PTPRQ: variants seen among roughly 807,000 people sequenced by gnomAD.
PTPRQ encodes protein tyrosine phosphatase receptor type Q, also known as phosphatidylinositol phosphatase PTPRQ.
Under a neutral mutation model 246.0 loss-of-function variants are expected in PTPRQ, and 199 were observed. The observed-to-expected ratio is 0.81, with a 90% CI of 0.72 to 0.91. The LOEUF is 0.91. Among genes scored for constraint, PTPRQ ranks in the 40% least tolerant of loss-of-function variants. The probability of loss-of-function intolerance (pLI) is 0.00; values close to 1 mark genes in which losing one functional copy is unlikely to be tolerated. For missense variants in PTPRQ, 2,624 were observed against 2,528.4 expected (o/e 1.04, Z -0.81); for synonymous variants, 869 against 853.2 (o/e 1.02, Z -0.32).
At chr12:80,610,268 T>C (rs1592714374) in intron 27 of PTPRQ, among the ~76,000 whole-genome samples, 171 bp from the exon 28 acceptor site, 1 of 150,546 alleles carries the variant, frequency 6.6e-6, no homozygotes, top group African/African-American at 2.4e-5. Context: ...TAATTAATAA[T>C]TAGTAAGCTG....
At chr12:80,582,080 G>T (rs979691333) in intron 25 of PTPRQ, among the ~76,000 whole-genome samples, 3 of 152,154 alleles carry the variant, frequency 2.0e-5, no homozygotes, top group African/African-American at 7.2e-5. Context: ...GAATATGAAA[G>T]CATAGGCTTG....
rs73351553 is a variant in PTPRQ, at chr12:80,631,928, C to T, written c.5687-264C>T. 0.072 allele frequency among the ~76,000 whole-genome samples: 10,944 copies of T among 152,150 alleles called. 959 individuals are homozygous for T. The highest frequency in any genetic ancestry group is 0.2 in the African/African-American group (8,435 of 41,494). ...GTCTGGTGGATAAAAACTAAGTAGT[C>T]ATCATCATATAGATGAAATTAAAAC... On this transcript the variant is annotated intron_variant, in intron 33 of 44. Coordinates refer to ENST00000644991, the MANE Select transcript of PTPRQ (RefSeq NM_001145026.2).
At chr12:80,449,306 T>A (rs1198442914) in intron 3 of PTPRQ, among the ~76,000 whole-genome samples, 1 of 152,148 alleles carries the variant, frequency 6.6e-6, no homozygotes, top group African/African-American at 2.4e-5. Context: ...TTGTGAAAAT[T>A]TTCCCCCATT....
chr12:80,660,760 G>A (rs1052504679), intron 39 of PTPRQ, among the ~76,000 whole-genome samples: 3 of 151,966 alleles, frequency 2.0e-5, no homozygotes, highest in Non-Finnish European at 4.4e-5. Context: ...TAATACTAAA[G>A]GATATTGTGT....
At chr12:80,552,645 TTA>T (rs71094985) in intron 25 of PTPRQ, among the ~76,000 whole-genome samples, 2,756 of 75,908 alleles carry the variant, frequency 0.036, 147 homozygotes, top group East Asian at 0.049. Flanking sequence ...AAAAAAAAAA[TTA>T]TATATATATA....
At chr12:80,636,979 G>T (rs911763480) in intron 35 of PTPRQ, among the ~76,000 whole-genome samples, 1 of 152,104 alleles carries the variant, frequency 6.6e-6, no homozygotes, top group Non-Finnish European at 1.5e-5. Flanking sequence ...ATTAGAAAAG[G>T]TCGGGTGTGG....
Position 80,620,374 on chromosome 12 carries a change from C to A in PTPRQ, c.5610C>A (p.Tyr1870Ter). ...GACCACTGAAACCAAAAAAGCAATA[C>A]TTGTAAGTATAGGTTATATCTACCA... Reference protein sequence around the residue: ...CNGPLKPKKQYLFKFRATNIM... With the variant: ...CNGPLKPKKQ The change falls in exon 32 of 45, where the codon TAC (tyrosine) becomes TAA (stop). Residue 1870 changes from tyrosine (Y) to a stop codon, truncating the protein, a stop_gained and splice_region_variant. Transcript: ENST00000644991. LOFTEE classifies it high-confidence loss of function. 1 of 1,548,738 alleles carries A rather than the reference C, an allele frequency of 6.5e-7. No individual in the cohort carries two copies. The highest frequency in any genetic ancestry group is 2.5e-5 in the East Asian group (1 of 40,798).
Position 80,472,207 on chromosome 12 carries a change from G to T in PTPRQ, c.1142G>T (p.Gly381Val), listed in dbSNP as rs1276451694. The T allele has an allele frequency of 1.9e-6, 3 of 1,551,392 alleles. No homozygotes were observed. The East Asian group carries it at 7.3e-5, about 38-fold the overall frequency. ...DVYIAAETSAGTGPKSNISVF... is the reference protein window; with the variant it reads ...DVYIAAETSAVTGPKSNISVF... ...TATATTGCGGCTGAAACCAGTGCAG[G>T]GACTGGGCCCAAGTCAAATATTTCA... Residue 381 changes from glycine (G) to valine (V), a missense_variant, in exon 8 of 45, where the codon GGG becomes GTG. Physicochemically the swap from Gly to Val is moderately radical, Grantham distance 109. Transcript: ENST00000644991.
chr12:80,489,159 C>T (rs568821939), intron 9 of PTPRQ, among the ~76,000 whole-genome samples: 1 of 152,118 alleles, frequency 6.6e-6, no homozygotes, highest in East Asian at 1.9e-4. Context: ...GAATAAGAAA[C>T]TACGGTGTTC....
chr12:80,644,462 T>G (rs1384792765), intron 35 of PTPRQ, among the ~76,000 whole-genome samples: 2 of 151,478 alleles, frequency 1.3e-5, no homozygotes, highest in Non-Finnish European at 2.9e-5. Context: ...ATGCTTTCCA[T>G]TTAACAGTTT....
At chr12:80,553,203 C>G (rs915271708) in intron 25 of PTPRQ, among the ~76,000 whole-genome samples, 2 of 151,774 alleles carry the variant, frequency 1.3e-5, no homozygotes, top group Non-Finnish European at 2.9e-5. Flanking sequence ...ATATTTTCTC[C>G]CATATAAATA....
intron 26 of PTPRQ, 46 bp downstream of exon 26, chr12:80,588,498 G>T (rs185740816): frequency 1.4e-6 from 2 of 1,420,922 alleles, no homozygotes; most frequent in East Asian, 5.1e-5. Context: ...GTTATATTCT[G>T]TATCTGTCTA....
chr12:80,524,023 A>G (rs1033583462), intron 17 of PTPRQ, among the ~76,000 whole-genome samples: 3 of 152,064 alleles, frequency 2.0e-5, no homozygotes. Flanking sequence ...GTCTCGAAGG[A>G]CTTGGTTTAT....
At chr12:80,532,064 CTTAT>C (rs947776574) in intron 17 of PTPRQ, among the ~76,000 whole-genome samples, 7 of 151,670 alleles carry the variant, frequency 4.6e-5, no homozygotes, top group African/African-American at 1.5e-4. Context: ...TTGGTAGATA[CTTAT>C]GTACAAGATT....
intron 35 of PTPRQ, among the ~76,000 whole-genome samples, chr12:80,642,933 A>AAAAAAAC (rs1899931701): frequency 1.5e-4 from 22 of 144,402 alleles, no homozygotes; most frequent in African/African-American, 6.0e-4. Flanking sequence ...AAAAAAAAAA[A>AAAAAAAC]AAAAAAAAAA....
chr12:80,609,112 A>G (rs1898447848), intron 27 of PTPRQ, among the ~76,000 whole-genome samples: 1 of 150,426 alleles, frequency 6.6e-6, no homozygotes, highest in South Asian at 2.1e-4. Flanking sequence ...CGATAGTATT[A>G]TTTATATCAT....
intron 3 of PTPRQ, among the ~76,000 whole-genome samples, chr12:80,447,513 T>C (rs1892589758): frequency 6.6e-6 from 1 of 152,054 alleles, no homozygotes; most frequent in Non-Finnish European, 1.5e-5. Context: ...TTTTTCTTAC[T>C]AGTATTTTTA....
At chr12:80,522,758 G>T (rs1199418207) in intron 17 of PTPRQ, among the ~76,000 whole-genome samples, 1 of 152,222 alleles carries the variant, frequency 6.6e-6, no homozygotes, top group Non-Finnish European at 1.5e-5. Context: ...TGCTGGATTT[G>T]GTTTGCCAGT....
intron 35 of PTPRQ, among the ~76,000 whole-genome samples, chr12:80,647,136 G>A (rs960916772): frequency 6.6e-6 from 1 of 152,080 alleles, no homozygotes; most frequent in African/African-American, 2.4e-5. Flanking sequence ...TGATCCTCTA[G>A]GAAAAAGGAA....
Sources: allele counts gnomAD v4.1 joint callset (sites outside exome capture counted in the v4.1 genomes callset), GRCh38; gene constraint gnomAD v4.1.1; transcripts MANE v1.5; gene names NCBI Gene and HGNC (gene_info 2026-07-23, HGNC 2026-07-21).